GNAT2: variants seen among roughly 807,000 people sequenced by gnomAD.
GNAT2 encodes guanine nucleotide-binding protein G(t) subunit alpha-2.
A neutral mutation model predicts 40.9 loss-of-function variants in GNAT2; 32 were observed. The ratio of observed to expected loss-of-function variants is 0.78; its 90% CI spans 0.59 to 1.05. The LOEUF (loss-of-function observed/expected upper bound fraction) is 1.05, where lower values mean the gene tolerates loss of function less well. GNAT2 is among the 50% of genes least tolerant of loss of function. GNAT2 has a pLI of 0.00. For missense variants in GNAT2, 355 were observed against 431.5 expected, an observed-to-expected ratio of 0.82 and a Z score of 1.57; for synonymous variants, 141 against 157.2, an observed-to-expected ratio of 0.90 and a Z score of 0.77.
intron 7 of GNAT2, 161 bp downstream of exon 7, chr1:109,605,809 G>A: frequency 1.4e-6 from 1 of 695,018 alleles, no homozygotes; most frequent in Non-Finnish European, 2.6e-6. Context: ...TGCAGAAGAA[G>A]TTGTTTTTTA....
At chr1:109,608,523 C>G (rs1649684513) in intron 5 of GNAT2, 108 bp downstream of exon 5, 1 of 1,026,062 alleles carries the variant, frequency 9.7e-7, no homozygotes, top group Non-Finnish European at 1.6e-6. Flanking sequence ...GGGTCTCCAG[C>G]TTTCAATGCC....
chr1:109,612,400 T>C (rs6680537), intron 2 of GNAT2: 52,270 of 352,362 alleles, frequency 0.15, 4,316 homozygotes, highest in South Asian at 0.2. Flanking sequence ...TGGCTTAGAG[T>C]TCTCTGCAGA....
intron 7 of GNAT2, chr1:109,604,588 G>A (rs1433894690): frequency 5.6e-6 from 1 of 179,716 alleles, no homozygotes; most frequent in Non-Finnish European, 1.2e-5. Context: ...TCTCAGTTTG[G>A]GCTACTTTGG....
intron 1 of GNAT2, among the ~76,000 whole-genome samples, chr1:109,619,236 G>A (rs1650052172): frequency 6.6e-6 from 1 of 152,192 alleles, no homozygotes; most frequent in Admixed American, 6.5e-5. Flanking sequence ...TACAGGCCAG[G>A]CACAGTTCTA....
At chr1:109,609,262 AG>A (rs770353531) in intron 4 of GNAT2, 2 of 193,770 alleles carry the variant, frequency 1.0e-5, no homozygotes, top group Non-Finnish European at 2.2e-5. Flanking sequence ...CAGGAACCCA[AG>A]GGTAGCAATT....
chr1:109,603,499 A>T lies in GNAT2; in HGVS notation c.920T>A (p.Phe307Tyr), dbSNP rs1649495272. The T allele has an allele frequency of 2.5e-6, 4 of 1,611,622 alleles. No homozygotes were observed. Among genetic ancestry groups the T allele is most frequent in the Non-Finnish European group, 3.4e-6 (4 of 1,177,706 alleles). ...DDAGNYIKSQ[F>Y]LDLNMRKDVK... ...ATCTTTTCGCATATTGAGGTCAAGG[A>T]ACTGGCTCTTTATGTAATTCCCCGC... Residue 307 changes from phenylalanine to tyrosine, a missense_variant, in exon 9 of 9, where the codon TTC becomes TAC. Physicochemically the swap from Phe to Tyr is conservative, Grantham distance 22 (BLOSUM62 3). Transcript: ENST00000679935.
Position 109,603,488 on chromosome 1 carries a change from T to C in GNAT2, c.931A>G (p.Asn311Asp), listed in dbSNP as rs200137591. The change falls in exon 9 of 9, where the codon AAT (asparagine) becomes GAT (aspartate). Residue 311 changes from asparagine to aspartate, a missense_variant. Asn to Asp is a conservative substitution (Grantham distance 23). Coordinates refer to ENST00000679935, the MANE Select transcript of GNAT2 (RefSeq NM_001377295.2). Reference protein sequence around the residue: ...NYIKSQFLDLNMRKDVKEIYS... With the variant: ...NYIKSQFLDLDMRKDVKEIYS... Reference sequence around the variant, plus strand: ...ATTTCTTTGACATCTTTTCGCATATTGAGGTCAAGGAACTGGCTCTTTATG... The same window carrying C: ...ATTTCTTTGACATCTTTTCGCATATCGAGGTCAAGGAACTGGCTCTTTATG... 1.5e-4 allele frequency: 239 copies of C among 1,609,198 alleles called. No homozygotes were observed. Among genetic ancestry groups the C allele is most frequent in the Non-Finnish European group, 1.9e-4 (223 of 1,175,574 alleles).
chr1:109,610,486 C>T lies in GNAT2; in HGVS notation c.140G>A (p.Ser47Asn). The part of the protein sequence containing the change: ...LLLGAGESGK[S>N]TIVKQMKIIH... ...TCACTTCATCTGTTTGACGATGGTGCTCTTTCCTGACTCCCCAGCACCTGG... is the reference window on the plus strand; with the variant it reads ...TCACTTCATCTGTTTGACGATGGTGTTCTTTCCTGACTCCCCAGCACCTGG... The change falls in exon 3 of 9, where the codon AGC (serine) becomes AAC (asparagine). Residue 47 changes from serine to asparagine, a missense_variant. Transcript: ENST00000679935. 6.2e-7 allele frequency: 1 copy of T among 1,613,928 alleles called. No individual in the cohort carries two copies. Among genetic ancestry groups the T allele is most frequent in the Non-Finnish European group, 8.5e-7 (1 of 1,179,846 alleles).
chr1:109,612,378 C>A (rs116468196), intron 2 of GNAT2: 8,580 of 340,752 alleles, frequency 0.025, 155 homozygotes, highest in South Asian at 0.038. Flanking sequence ...GTCCTGTTCT[C>A]TTCTGATTTC....
Position 109,612,760 on chromosome 1 carries a change from T to C in GNAT2, c.111A>G (p.Leu37=), listed in dbSNP as rs779079945. ...TCTTCCCATCTCACTCACCCAGCAGTAGCAGCTTGACAGTCTTGGCTTCCT... is the reference window on the plus strand; with the variant it reads ...TCTTCCCATCTCACTCACCCAGCAGCAGCAGCTTGACAGTCTTGGCTTCCT... ...ADKEAKTVKL[L]LLGAGESGKS... is the part of the protein sequence containing the mutation. The change falls in exon 2 of 9, where the codon CTA becomes CTG. Residue 37 remains leucine, a synonymous_variant. Coordinates refer to ENST00000679935, the MANE Select transcript of GNAT2 (RefSeq NM_001377295.2). 75 of 1,580,940 alleles carry C rather than the reference T, an allele frequency of 4.7e-5. No homozygotes were observed. The highest frequency in any genetic ancestry group is 5.5e-5 in the Non-Finnish European group (63 of 1,149,748).
intron 8 of GNAT2, 51 bp from the exon 9 acceptor site, chr1:109,603,595 G>C (rs760078172): frequency 8.4e-7 from 1 of 1,185,316 alleles, no homozygotes. Context: ...ACCCTTGTTA[G>C]TTGCTGACTC....
intron 5 of GNAT2, chr1:109,607,852 G>T (rs565904027): frequency 7.2e-5 from 11 of 153,030 alleles, no homozygotes; most frequent in African/African-American, 2.6e-4. Flanking sequence ...GGTAAAGGGC[G>T]TTGAGATGGT....
chr1:109,617,493 T>C (rs1308056138), intron 1 of GNAT2: 1 of 152,286 alleles, frequency 6.6e-6, no homozygotes, highest in Admixed American at 6.5e-5. Flanking sequence ...CTCACTCCTT[T>C]ATTTCCCAAG....
chr1:109,613,043 C>T, intron 1 of GNAT2, 120 bp from the exon 2 acceptor site: 1 of 704,166 alleles, frequency 1.4e-6, no homozygotes, highest in Non-Finnish European at 2.6e-6. Context: ...TTGTACTCTG[C>T]CTACATTGAC....
chr1:109,610,987 A>G (rs1649774211), intron 2 of GNAT2: 1 of 184,512 alleles, frequency 5.4e-6, no homozygotes, highest in African/African-American at 2.4e-5. Context: ...CACCAAAATA[A>G]CTATATTTTC....
intron 5 of GNAT2, 58 bp from the exon 6 acceptor site, chr1:109,606,494 TAAA>T (rs1649602244): frequency 6.8e-7 from 1 of 1,469,472 alleles, no homozygotes; most frequent in African/African-American, 1.4e-5. Flanking sequence ...CTAAGAGACG[TAAA>T]AGGTATCTTA....
In GNAT2 at chr1:109,603,525, A is replaced by G. The variant is rs763038753; in HGVS notation, c.894T>C (p.Asp298=). The G allele has an allele frequency of 6.2e-7, 1 of 1,609,862 alleles. No homozygotes were observed. Residue 298 remains aspartate, a synonymous_variant, in exon 9 of 9, where the codon GAT becomes GAC. Coordinates refer to ENST00000679935, the MANE Select transcript of GNAT2 (RefSeq NM_001377295.2). ...PEYDGNNSYD[D]AGNYIKSQFL... ...ACTGGCTCTTTATGTAATTCCCCGC[A>G]TCATCATAGGAGTTGTTACCTGGTT...
intron 6 of GNAT2, 80 bp downstream of exon 6, chr1:109,606,228 A>G: frequency 6.3e-7 from 1 of 1,575,044 alleles, no homozygotes; most frequent in Non-Finnish European, 8.7e-7. Flanking sequence ...AGGCTTCACC[A>G]AAGGCCAAGA....
intron 5 of GNAT2, 74 bp downstream of exon 5, chr1:109,608,557 T>C: frequency 6.8e-7 from 1 of 1,462,688 alleles, no homozygotes; most frequent in Non-Finnish European, 9.6e-7. Context: ...TGGGTGAGGT[T>C]TCTCCCAACC....
Sources: gnomAD v4.1 joint callset for allele counts (sites outside exome capture counted in the v4.1 genomes callset) on GRCh38, gnomAD v4.1.1 for gene constraint, MANE v1.5 for transcripts, NCBI Gene and HGNC (gene_info 2026-07-23, HGNC 2026-07-21) for gene names.